The following ZKSCAN2 variants were observed in gnomAD, a reference collection of about 807,000 sequenced individuals.
The protein encoded by ZKSCAN2 is zinc finger protein with KRAB and SCAN domains 2.
A neutral mutation model predicts 90.5 loss-of-function variants in ZKSCAN2; 38 were observed. That is an observed-to-expected ratio of 0.42 (90% CI 0.32 to 0.55). ZKSCAN2 has a LOEUF of 0.55. ZKSCAN2 is among the 20% of genes least tolerant of loss of function. The pLI is 0.11. For synonymous variants in ZKSCAN2, 429 were observed against 421.6 expected (o/e 1.02, Z -0.22); for missense variants, 1,167 against 1,202.6 (o/e 0.97, Z 0.44).
At chr16:25,253,545 T>C (rs758896170) in intron 2 of ZKSCAN2, among the ~76,000 whole-genome samples, 1 of 152,098 alleles carries the variant, frequency 6.6e-6, no homozygotes, top group Non-Finnish European at 1.5e-5. Flanking sequence ...ATAGTAGTAC[T>C]GAATCTTGCC....
chr16:25,245,972 C>T (rs1174240553), intron 5 of ZKSCAN2, among the ~76,000 whole-genome samples: 4 of 152,122 alleles, frequency 2.6e-5, no homozygotes, highest in African/African-American at 9.7e-5. Flanking sequence ...AAAGTAGTTA[C>T]GTGATGTGTC....
rs753083961 is a variant in ZKSCAN2 at position 25,239,765 on chromosome 16, T to C, written c.*51A>G. The stretch of plus-strand genomic sequence containing the variant: ...GCTAAGAAAAGATTGCTTCCAAGAA[T>C]GAGATTAGGGTAAAATGGCTAAGGG... On this transcript the variant is annotated 3_prime_UTR_variant, in exon 7 of 7. Coordinates refer to ENST00000328086, the MANE Select transcript of ZKSCAN2 (RefSeq NM_001012981.5). 4 of 1,443,498 alleles carry C rather than the reference T, an allele frequency of 2.8e-6. No homozygotes were observed. In the African/African-American group the frequency reaches 5.7e-5, roughly 21 times the overall value. 89.4% of individuals were successfully genotyped at this position (1,443,498 alleles called of 1,614,324 possible).
chr16:25,251,973 A>C lies in ZKSCAN2; in HGVS notation c.741T>G (p.Ile247Met), dbSNP rs756399282. The change falls in exon 4 of 7, where the codon ATT (isoleucine) becomes ATG (methionine). Residue 247 changes from isoleucine to methionine, a missense_variant. Coordinates refer to ENST00000328086, the MANE Select transcript of ZKSCAN2 (RefSeq NM_001012981.5). ...GFSYRKSVHQIPAQRDLYRDF... is the reference protein window; with the variant it reads ...GFSYRKSVHQMPAQRDLYRDF... ...CCCGGTAGAGGTCCCTTTGGGCAGG[A>C]ATCTGATGCACACTCTTTCTGTAGG... The C allele has an allele frequency of 1.2e-5, 20 of 1,614,060 alleles. No homozygotes were observed. Among genetic ancestry groups the C allele is most frequent in the Non-Finnish European group, 1.4e-5 (17 of 1,180,024 alleles).
At chr16:25,254,534 G>A (rs1963066678) in intron 2 of ZKSCAN2, among the ~76,000 whole-genome samples, 1 of 152,204 alleles carries the variant, frequency 6.6e-6, no homozygotes, top group African/African-American at 2.4e-5. Flanking sequence ...AGTCAGCCAA[G>A]AGCACATACA....
intron 3 of ZKSCAN2, 123 bp from the exon 4 acceptor site, chr16:25,252,158 T>C: frequency 2.7e-6 from 3 of 1,099,078 alleles, no homozygotes; most frequent in Non-Finnish European, 2.6e-6. Context: ...GTGGATAGTT[T>C]GCGCCAAATG....
Position 25,239,769 on chromosome 16 carries a change from A to T in ZKSCAN2, c.*47T>A, listed in dbSNP as rs781130179. ...AGAAAAGATTGCTTCCAAGAATGAG[A>T]TTAGGGTAAAATGGCTAAGGGGGCA... On this transcript the variant is annotated 3_prime_UTR_variant, in exon 7 of 7. Transcript: ENST00000328086. 1 of 1,475,290 alleles carries T rather than the reference A, an allele frequency of 6.8e-7. No homozygotes were observed. Among genetic ancestry groups the T allele is most frequent in the African/African-American group, 1.4e-5 (1 of 70,792 alleles). 91.4% of individuals were successfully genotyped at this position (1,475,290 alleles called of 1,614,324 possible).
At chr16:25,253,610 C>T (rs1461197295) in intron 2 of ZKSCAN2, among the ~76,000 whole-genome samples, 1 of 152,200 alleles carries the variant, frequency 6.6e-6, no homozygotes, top group East Asian at 1.9e-4. Context: ...AATAATTGTG[C>T]CATTCTGGGG....
At chr16:25,245,502 A>G (rs1159459176) in intron 5 of ZKSCAN2, among the ~76,000 whole-genome samples, 2 of 152,188 alleles carry the variant, frequency 1.3e-5, no homozygotes, top group African/African-American at 4.8e-5. Flanking sequence ...GCGGTGGCTC[A>G]TGCCTGTAAT....
intron 6 of ZKSCAN2, among the ~76,000 whole-genome samples, chr16:25,243,388 C>T (rs985360317): frequency 6.6e-6 from 1 of 152,178 alleles, no homozygotes; most frequent in Non-Finnish European, 1.5e-5. Flanking sequence ...AGTGCAATGG[C>T]ACGATCTCGG....
In ZKSCAN2 at chr16:25,236,245, A is replaced by G. The variant is rs1271354140; in HGVS notation, c.*3571T>C. The G allele has an allele frequency of 2.6e-5, 4 of 152,260 alleles. No homozygotes were observed. Among genetic ancestry groups the G allele is most frequent in the Non-Finnish European group, 5.9e-5 (4 of 68,074 alleles). The allele number at this position is 152,260 out of a possible 1,614,324, so 9.4% of individuals were successfully genotyped here. On this transcript the variant is annotated 3_prime_UTR_variant, in exon 7 of 7. Coordinates refer to ENST00000328086, the MANE Select transcript of ZKSCAN2 (RefSeq NM_001012981.5). Reference sequence around the variant, plus strand: ...GTCACTGGGCGCCAGACCTCCTGACAGAGGCTTCCTTCACTTCAGCCTACC... The same window carrying G: ...GTCACTGGGCGCCAGACCTCCTGACGGAGGCTTCCTTCACTTCAGCCTACC...
intron 4 of ZKSCAN2, 96 bp from the exon 5 acceptor site, chr16:25,247,486 A>G (rs1207449175): frequency 1.9e-6 from 2 of 1,045,124 alleles, no homozygotes; most frequent in Non-Finnish European, 1.4e-6. Flanking sequence ...CCACTTGTTC[A>G]CACCCAAACC....
chr16:25,242,004 G>A (rs540791046), intron 6 of ZKSCAN2, among the ~76,000 whole-genome samples: 2 of 152,222 alleles, frequency 1.3e-5, no homozygotes, highest in South Asian at 4.2e-4. Context: ...GAAGTTGCTG[G>A]GATTACAGGT....
At chr16:25,255,102 A>C in intron 2 of ZKSCAN2, 104 bp downstream of exon 2, 1 of 1,182,024 alleles carries the variant, frequency 8.5e-7, no homozygotes, top group Non-Finnish European at 1.2e-6. Flanking sequence ...TCCTATTCTG[A>C]ATATGTATCA....
chr16:25,239,920 G>C lies in ZKSCAN2; in HGVS notation c.2800C>G (p.Arg934Gly). ...FSKSSVLTKH[R>G]EVHVREKPLP... is the part of the protein sequence containing the mutation. ...GGCTTTTCTCTCACATGAACTTCCC[G>C]ATGTTTGGTAAGAACAGAACTCTTA... is the stretch of plus-strand genomic sequence containing the variant. Residue 934 changes from arginine (R) to glycine (G), a missense_variant, in exon 7 of 7, where the codon CGG becomes GGG. Arg to Gly is a moderately radical substitution (Grantham distance 125). Transcript: ENST00000328086. 3 of 1,614,122 alleles carry C rather than the reference G, an allele frequency of 1.9e-6. No homozygotes were observed. The highest frequency in any genetic ancestry group is 2.2e-5 in the East Asian group (1 of 44,886).
chr16:25,257,397 A>C lies in ZKSCAN2; in HGVS notation c.-270T>G. On this transcript the variant is annotated 5_prime_UTR_variant, in exon 1 of 7. Transcript: ENST00000328086. ...TGGTTTTCCAGAGTGCATCCCTCTT[A>C]GTGCAAAGTCGGAAACCGGGAGGCT... The C allele has an allele frequency of 8.5e-7, 1 of 1,169,978 alleles. No individual in the cohort carries two copies. The highest frequency in any genetic ancestry group is 4.0e-5 in the South Asian group (1 of 24,734). The allele number at this position is 1,169,978 out of a possible 1,614,324, so 72.5% of individuals were successfully genotyped here.
rs952778370 is a variant in ZKSCAN2, at chr16:25,244,230, G to A, written c.1536C>T (p.Leu512=). The part of the protein sequence containing the change: ...YEETKTFLDI[L]RETRFYEALQ... ...GCGCTTCATAAAACCGAGTCTCACG[G>A]AGGATATCAAGAAAAGTCTTGGTTT... Residue 512 remains leucine, a synonymous_variant, in exon 6 of 7, where the codon CTC becomes CTT. Transcript: ENST00000328086. 2.1e-5 allele frequency: 34 copies of A among 1,613,948 alleles called. No individual in the cohort carries two copies. Among genetic ancestry groups the A allele is most frequent in the Non-Finnish European group, 2.5e-5 (30 of 1,179,946 alleles).
Position 25,236,726 on chromosome 16 carries a change from G to C in ZKSCAN2, c.*3090C>G, listed in dbSNP as rs1347023237. 1.3e-5 allele frequency: 2 copies of C among 152,208 alleles called. No homozygotes were observed. Among genetic ancestry groups the C allele is most frequent in the African/African-American group, 4.8e-5 (2 of 41,442 alleles). The allele number at this position is 152,208 out of a possible 1,614,324, so 9.4% of individuals were successfully genotyped here. A position where few individuals can be genotyped will look rare whatever the true frequency, so the allele number is the denominator to read the frequency against. On this transcript the variant is annotated 3_prime_UTR_variant, in exon 7 of 7. Transcript: ENST00000328086. ...TTTAAAAAACTGTTTCTTTCCAGAT[G>C]AATGAATTAGGTTGAATGCATAATA...
Position 25,247,166 on chromosome 16 carries a change from T to C in ZKSCAN2, c.1030A>G (p.Ser344Gly). 6.2e-7 allele frequency: 1 copy of C among 1,614,152 alleles called. No homozygotes were observed. Among genetic ancestry groups the C allele is most frequent in the Non-Finnish European group, 8.5e-7 (1 of 1,180,014 alleles). Reference sequence around the variant, plus strand: ...AGGAAAGTCTTTGTTTCCTCATAGCTCCAATGCACACCTGCTATCTTTTCA... The same window carrying C: ...AGGAAAGTCTTTGTTTCCTCATAGCCCCAATGCACACCTGCTATCTTTTCA... ...EDEKIAGVHW[S>G]YEETKTFLAI... The change falls in exon 5 of 7, where the codon AGC (serine) becomes GGC (glycine). Residue 344 changes from serine to glycine, a missense_variant. By Grantham distance (56) the Ser-to-Gly change is moderately conservative (BLOSUM62 0). Transcript: ENST00000328086.
chr16:25,249,428 C>G lies in ZKSCAN2; in HGVS notation c.806-2038G>C, dbSNP rs542468785. On this transcript the variant is annotated intron_variant, in intron 4 of 6. Coordinates refer to ENST00000328086, the MANE Select transcript of ZKSCAN2 (RefSeq NM_001012981.5). ...ACTCCCAAGTAGCTGGGATTACAGGCACCCACCACCACACCTGGCTAATTT... is the reference window on the plus strand; with the variant it reads ...ACTCCCAAGTAGCTGGGATTACAGGGACCCACCACCACACCTGGCTAATTT... 9.2e-5 allele frequency among the ~76,000 whole-genome samples: 14 copies of G among 152,166 alleles called. No individual in the cohort carries two copies. The South Asian group carries it at 2.9e-3, about 32-fold the overall frequency.
Sources: allele counts gnomAD v4.1 joint callset (sites outside exome capture counted in the v4.1 genomes callset), GRCh38; gene constraint gnomAD v4.1.1; transcripts MANE v1.5; gene names NCBI Gene and HGNC (gene_info 2026-07-23, HGNC 2026-07-21).